The following UNC80 variants were observed in gnomAD, a reference collection of about 807,000 sequenced individuals.
The protein encoded by UNC80 is protein unc-80 homolog.
Under a neutral mutation model 384.6 loss-of-function variants are expected in UNC80, and 164 were observed. That is an observed-to-expected ratio of 0.43 (90% CI 0.38 to 0.49). The LOEUF is 0.49. Among genes scored for constraint, UNC80 ranks in the 20% least tolerant of loss-of-function variants. The pLI, the probability that UNC80 is intolerant of heterozygous loss-of-function variation, is 0.00. For missense variants in UNC80, 3,330 were observed against 4,143.0 expected (o/e 0.80, Z 5.39); for synonymous variants, 1,486 against 1,527.8 (o/e 0.97, Z 0.64).
At chr2:209,979,104 C>G (rs1439494248) in intron 59 of UNC80, among the ~76,000 whole-genome samples, 2 of 152,058 alleles carry the variant, frequency 1.3e-5, no homozygotes, top group Non-Finnish European at 2.9e-5. Context: ...CAAAAACTAG[C>G]TGAGTGTGTT....
intron 29 of UNC80, among the ~76,000 whole-genome samples, chr2:209,908,680 A>G (rs1386338300): frequency 1.3e-5 from 2 of 152,234 alleles, no homozygotes; most frequent in Non-Finnish European, 2.9e-5. Flanking sequence ...TTCCAGTGCA[A>G]ATGTCAAGAG....
intron 7 of UNC80, among the ~76,000 whole-genome samples, chr2:209,803,070 T>A (rs76358880): frequency 6.6e-5 from 10 of 152,330 alleles, no homozygotes; most frequent in Non-Finnish European, 1.5e-4. Context: ...ATACAGTGTT[T>A]ACAATGTGAC....
At chr2:209,920,101 G>A (rs543951524) in intron 33 of UNC80, among the ~76,000 whole-genome samples, 20 of 152,224 alleles carry the variant, frequency 1.3e-4, no homozygotes, top group Non-Finnish European at 2.8e-4. Context: ...CCCAGGAGGT[G>A]GAGGTTGCAA....
At chr2:209,846,886 A>G (rs2082209168) in intron 21 of UNC80, among the ~76,000 whole-genome samples, 1 of 152,128 alleles carries the variant, frequency 6.6e-6, no homozygotes, top group Non-Finnish European at 1.5e-5. Context: ...TTTTATCATC[A>G]GTGTATCATT....
intron 15 of UNC80, among the ~76,000 whole-genome samples, chr2:209,829,958 T>C (rs552758547): frequency 6.6e-6 from 1 of 152,220 alleles, no homozygotes; most frequent in East Asian, 1.9e-4. Context: ...AAAACTCTAG[T>C]ATGAAGGCCT....
intron 56 of UNC80, 44 bp downstream of exon 56, chr2:209,973,314 G>C (rs1038833314): frequency 1.4e-6 from 2 of 1,475,626 alleles, no homozygotes; most frequent in East Asian, 2.5e-5. Context: ...GCATGTGTAT[G>C]TATATGTATG....
intron 18 of UNC80, among the ~76,000 whole-genome samples, chr2:209,838,445 A>G (rs753592519): frequency 2.0e-5 from 3 of 151,950 alleles, no homozygotes; most frequent in Admixed American, 6.6e-5. Context: ...AGGTATTTCT[A>G]TTTGTCCTAC....
In UNC80 at chr2:209,887,736, A is replaced by ATG. The variant is rs2085956495; in HGVS notation, c.4111-359_4111-358insTG. ...CCTTATTTATCCTTCAGTACCTAAC[A>ATG]CATCCATGCTTGATGCATGATTTTT... On this transcript the variant is annotated intron_variant, in intron 25 of 64. Transcript: ENST00000673920. Among the ~76,000 whole-genome samples, 5 of 152,308 alleles carry ATG rather than the reference A, an allele frequency of 3.3e-5. No homozygotes were observed. In the South Asian group the frequency reaches 8.3e-4, roughly 25 times the overall value.
chr2:209,954,062 T>C lies in UNC80; in HGVS notation c.7287-38T>C, dbSNP rs113495418. On this transcript the variant is annotated intron_variant, in intron 47 of 64. Coordinates refer to ENST00000673920, the MANE Select transcript of UNC80 (RefSeq NM_001371986.1). ...TGTGACACAACCAACAAAAGTAGAA[T>C]GTAAAAGGTGACTCGGTTTTCTTTC... 6,303 of 1,526,416 alleles carry C rather than the reference T, an allele frequency of 4.1e-3. 18 individuals carry two copies. The highest frequency in any genetic ancestry group is 5.1e-3 in the Non-Finnish European group (5,771 of 1,136,628). The allele number at this position is 1,526,416 out of a possible 1,614,324, so 94.6% of individuals were successfully genotyped here.
chr2:209,867,019 C>T (rs772749166), intron 22 of UNC80, among the ~76,000 whole-genome samples: 4 of 152,294 alleles, frequency 2.6e-5, no homozygotes, highest in South Asian at 2.1e-4. Flanking sequence ...ACACCTCAAA[C>T]ATTTATCATT....
At chr2:209,882,797 T>TA (rs924557376) in intron 25 of UNC80, among the ~76,000 whole-genome samples, 4 of 151,966 alleles carry the variant, frequency 2.6e-5, no homozygotes, top group Non-Finnish European at 5.9e-5. Context: ...TCCACTGTAA[T>TA]AAAAAAAATA....
intron 21 of UNC80, among the ~76,000 whole-genome samples, chr2:209,843,077 G>C (rs1559182932): frequency 6.6e-6 from 1 of 152,096 alleles, no homozygotes; most frequent in Non-Finnish European, 1.5e-5. Context: ...CTGCTAGTTA[G>C]AAACATCTTT....
intron 7 of UNC80, among the ~76,000 whole-genome samples, chr2:209,811,225 T>C (rs775276999): frequency 1.1e-4 from 17 of 152,054 alleles, no homozygotes; most frequent in Non-Finnish European, 1.8e-4. Flanking sequence ...CCCAAAAATG[T>C]ATTTGGGGCT....
chr2:209,884,876 A>AAC, intron 25 of UNC80, among the ~76,000 whole-genome samples: 1 of 152,064 alleles, frequency 6.6e-6, no homozygotes, highest in Non-Finnish European at 1.5e-5. Flanking sequence ...GGAGGGGAAC[A>AAC]ACACACACTG....
chr2:209,967,447 A>G lies in UNC80; in HGVS notation c.7816A>G (p.Ile2606Val). The part of the protein sequence containing the change: ...DVKSHMRLAE[I>V]AHSLLKLAPY... The stretch of plus-strand genomic sequence containing the variant: ...ATATATATATTTTAGGTTGGCAGAA[A>G]TTGCACACTCCCTTCTGAAGCTGGC... Residue 2606 changes from isoleucine (I) to valine (V), a missense_variant, in exon 52 of 65, where the codon ATT (isoleucine) becomes GTT (valine). Physicochemically the swap from Ile to Val is conservative, Grantham distance 29. Transcript: ENST00000673920. 4 of 1,550,480 alleles carry G rather than the reference A, an allele frequency of 2.6e-6. No homozygotes were observed. The South Asian group carries it at 3.6e-5, about 14-fold the overall frequency.
intron 45 of UNC80, 46 bp downstream of exon 45, chr2:209,943,560 GAA>G: frequency 1.2e-5 from 19 of 1,546,274 alleles, no homozygotes; most frequent in Non-Finnish European, 1.7e-5. Context: ...AACAAAATGA[GAA>G]AAGCAAAGGT....
intron 25 of UNC80, among the ~76,000 whole-genome samples, chr2:209,883,878 T>A (rs1458340507): frequency 6.6e-6 from 1 of 152,208 alleles, no homozygotes; most frequent in Non-Finnish European, 1.5e-5. Flanking sequence ...ATGTCAGAAT[T>A]TCCTTCTTTT....
chr2:209,866,153 A>G (rs2083744325), intron 22 of UNC80, among the ~76,000 whole-genome samples: 2 of 152,158 alleles, frequency 1.3e-5, no homozygotes, highest in African/African-American at 4.8e-5. Flanking sequence ...TTATCTTTTC[A>G]ATATTGTGTC....
At chr2:209,907,515 T>C (rs148880847) in intron 29 of UNC80, among the ~76,000 whole-genome samples, 3 of 152,056 alleles carry the variant, frequency 2.0e-5, no homozygotes, top group African/African-American at 7.2e-5. Context: ...CAGGTGAGCT[T>C]TAACTAAAGG....
Sources: allele counts gnomAD v4.1 joint callset (sites outside exome capture counted in the v4.1 genomes callset), GRCh38; gene constraint gnomAD v4.1.1; transcripts MANE v1.5; gene names NCBI Gene and HGNC (gene_info 2026-07-23, HGNC 2026-07-21).